ST18: variants seen among roughly 807,000 people sequenced by gnomAD.
ST18 encodes the protein ST18 C2H2C-type zinc finger transcription factor, also known as suppression of tumorigenicity 18 protein.
In ST18, 50 loss-of-function variants were observed where a neutral mutation model predicts 110.0. That is an observed-to-expected ratio of 0.45 (90% CI 0.36 to 0.58). ST18 has a LOEUF of 0.58. Ranked by LOEUF, ST18 falls within the 20% of genes least tolerant of loss-of-function variation. The probability of loss-of-function intolerance (pLI) is 0.00; values close to 1 mark genes in which losing one functional copy is unlikely to be tolerated. For synonymous variants in ST18, 461 were observed against 452.4 expected, an observed-to-expected ratio of 1.02 and a Z score of -0.24; for missense variants, 1,306 against 1,280.1, an observed-to-expected ratio of 1.02 and a Z score of -0.31.
At chr8:52,407,677 GAGA>G (rs1844993086) in intron 2 of ST18, 1 of 152,144 alleles carries the variant, frequency 6.6e-6, no homozygotes, top group Admixed American at 6.5e-5. Flanking sequence ...TATTATTTTA[GAGA>G]TATATGGTTT....
chr8:52,344,513 GC>G (rs1252398959), intron 2 of ST18, among the ~76,000 whole-genome samples: 1 of 151,954 alleles, frequency 6.6e-6, no homozygotes, highest in African/African-American at 2.4e-5. Flanking sequence ...CCATTCTCCT[GC>G]CTCAGCCTCC....
chr8:52,182,108 G>A, intron 8 of ST18, among the ~76,000 whole-genome samples: 1 of 152,130 alleles, frequency 6.6e-6, no homozygotes. Flanking sequence ...GTAGCAAATG[G>A]GAGAGGCTCC....
intron 2 of ST18, chr8:52,406,003 C>G (rs1844351298): frequency 6.6e-6 from 1 of 152,152 alleles, no homozygotes; most frequent in Non-Finnish European, 1.5e-5. Flanking sequence ...GCAATCTGCT[C>G]CCACTTACAG....
rs145114194 is a variant in ST18, at chr8:52,121,405, A to T, written c.2756-2964T>A. Reference sequence around the variant, plus strand: ...TCTGGGGTGCTATTTTAGCCACAGGATCAAATTCAACTAATTTCTTTGTAA... The same window carrying T: ...TCTGGGGTGCTATTTTAGCCACAGGTTCAAATTCAACTAATTTCTTTGTAA... On this transcript the variant is annotated intron_variant, in intron 23 of 25. Transcript: ENST00000689386. Among the ~76,000 whole-genome samples, 34 of 152,310 alleles carry T rather than the reference A, an allele frequency of 2.2e-4. No individual in the cohort carries two copies. The East Asian group carries it at 6.2e-3, about 28-fold the overall frequency.
At chr8:52,314,717 A>G (rs932296716) in intron 2 of ST18, among the ~76,000 whole-genome samples, 7 of 151,486 alleles carry the variant, frequency 4.6e-5, no homozygotes, top group Admixed American at 3.9e-4. Context: ...TTCCCCTAGA[A>G]CCCTCCCTGG....
At chr8:52,206,508 C>A (rs535234884) in intron 8 of ST18, 55 of 152,368 alleles carry the variant, frequency 3.6e-4, no homozygotes, top group African/African-American at 1.3e-3. Context: ...TGGTGTGAGG[C>A]CTCCAGCCTC....
At chr8:52,211,669 C>A (rs2082223680) in intron 8 of ST18, among the ~76,000 whole-genome samples, 1 of 151,970 alleles carries the variant, frequency 6.6e-6, no homozygotes, top group African/African-American at 2.4e-5. Context: ...AGCCTGGAAT[C>A]ATCTAATTAT....
At chr8:52,126,185 T>C in intron 22 of ST18, 45 bp from the exon 23 acceptor site, 1 of 1,560,160 alleles carries the variant, frequency 6.4e-7, no homozygotes. Context: ...GTATATGATT[T>C]CTTATAAAAA....
chr8:52,307,215 G>A (rs1482144070), intron 2 of ST18, among the ~76,000 whole-genome samples: 1 of 152,048 alleles, frequency 6.6e-6, no homozygotes, highest in Non-Finnish European at 1.5e-5. Context: ...GGCAATTCTA[G>A]AGCAAAAATT....
chr8:52,367,243 C>CACACACACACAA (rs1359859831), intron 2 of ST18, among the ~76,000 whole-genome samples: 34 of 149,326 alleles, frequency 2.3e-4, no homozygotes, highest in African/African-American at 8.1e-4. Context: ...GTCTCACACA[C>CACACACACACAA]ACACACACAC....
At chr8:52,325,204 C>T (rs1413710335) in intron 2 of ST18, among the ~76,000 whole-genome samples, 2 of 152,004 alleles carry the variant, frequency 1.3e-5, no homozygotes, top group African/African-American at 2.4e-5. Context: ...AGTGAATATA[C>T]TGTAGAGAGG....
chr8:52,287,421 T>C (rs1392185101), intron 2 of ST18, among the ~76,000 whole-genome samples: 1 of 152,094 alleles, frequency 6.6e-6, no homozygotes, highest in East Asian at 1.9e-4. Flanking sequence ...AAAGAGGAGG[T>C]AGGGAAGCCT....
intron 2 of ST18, among the ~76,000 whole-genome samples, chr8:52,387,452 T>C (rs887172963): frequency 6.6e-6 from 1 of 152,164 alleles, no homozygotes; most frequent in Non-Finnish European, 1.5e-5. Context: ...TCATTGTCAA[T>C]AGCCAAGGCA....
chr8:52,357,725 AT>A (rs1564568937), intron 2 of ST18, among the ~76,000 whole-genome samples: 20 of 109,728 alleles, frequency 1.8e-4, no homozygotes, highest in East Asian at 1.1e-3. Flanking sequence ...ATATATATAT[AT>A]ATATAAAACA....
intron 5 of ST18, among the ~76,000 whole-genome samples, chr8:52,219,046 A>T (rs1211660884): frequency 6.6e-6 from 1 of 152,214 alleles, no homozygotes; most frequent in Non-Finnish European, 1.5e-5. Flanking sequence ...CAACTAGATG[A>T]TGCCAGCATC....
chr8:52,397,604 C>T (rs886492784), intron 2 of ST18, among the ~76,000 whole-genome samples: 5 of 152,060 alleles, frequency 3.3e-5, no homozygotes, highest in African/African-American at 1.2e-4. Context: ...ACATTTAGGC[C>T]TTTTATCCAT....
rs1208735692 is a variant in ST18 at position 52,142,961 on chromosome 8, G to T, written c.2137C>A (p.His713Asn). The change falls in exon 17 of 26, where the codon CAT becomes AAT. Residue 713 changes from histidine (H) to asparagine (N), a missense_variant. Physicochemically the swap from His to Asn is moderately conservative, Grantham distance 68. Coordinates refer to ENST00000689386, the MANE Select transcript of ST18 (RefSeq NM_001352837.2). ...ASIPSPKPKL[H>N]ARDLKKELIT... ...AGTTCCTTTTTGAGATCTCTTGCATGAAGCTTGGGTTTAGGGCTTGGTATA... is the reference window on the plus strand; with the variant it reads ...AGTTCCTTTTTGAGATCTCTTGCATTAAGCTTGGGTTTAGGGCTTGGTATA... 3 of 1,613,934 alleles carry T rather than the reference G, an allele frequency of 1.9e-6. No homozygotes were observed. Among genetic ancestry groups the T allele is most frequent in the African/African-American group, 1.3e-5 (1 of 74,902 alleles).
chr8:52,321,183 C>T (rs1803739414), intron 2 of ST18, among the ~76,000 whole-genome samples: 3 of 152,170 alleles, frequency 2.0e-5, no homozygotes, highest in Admixed American at 2.0e-4. Flanking sequence ...CGGGAAGAGA[C>T]ACTCCAATCT....
At chr8:52,352,239 A>G (rs370954780) in intron 2 of ST18, among the ~76,000 whole-genome samples, 80 of 152,128 alleles carry the variant, frequency 5.3e-4, no homozygotes, top group African/African-American at 1.7e-3. Flanking sequence ...AACAATGGAG[A>G]TAAAGTCAGC....
Sources: gnomAD v4.1 joint callset for allele counts (sites outside exome capture counted in the v4.1 genomes callset) on GRCh38, gnomAD v4.1.1 for gene constraint, MANE v1.5 for transcripts, NCBI Gene and HGNC (gene_info 2026-07-23, HGNC 2026-07-21) for gene names.